CFAP58: variants seen among roughly 807,000 people sequenced by gnomAD.
CFAP58 encodes cilia- and flagella-associated protein 58.
In CFAP58, 88 loss-of-function variants were observed where a neutral mutation model predicts 119.5. The ratio of observed to expected loss-of-function variants is 0.74; its 90% CI spans 0.62 to 0.88. The LOEUF is 0.88. Among genes scored for constraint, CFAP58 ranks in the 40% least tolerant of loss-of-function variants. The pLI, the probability that CFAP58 is intolerant of heterozygous loss-of-function variation, is 0.00. For missense variants in CFAP58, 990 were observed against 1,021.2 expected (o/e 0.97, Z 0.42); for synonymous variants, 365 against 366.3 (o/e 1.00, Z 0.04).
At chr10:104,406,617 C>T in intron 14 of CFAP58, 72 bp from the exon 15 acceptor site, 1 of 1,172,974 alleles carries the variant, frequency 8.5e-7, no homozygotes, top group Non-Finnish European at 1.3e-6. Flanking sequence ...AGACAATGTG[C>T]ATTTTACATA....
intron 15 of CFAP58, among the ~76,000 whole-genome samples, chr10:104,442,502 C>T (rs1352179556): frequency 2.6e-5 from 4 of 151,254 alleles, no homozygotes; most frequent in African/African-American, 9.7e-5. Flanking sequence ...GCAGGATAAT[C>T]TCTTGAACCC....
intron 1 of CFAP58, among the ~76,000 whole-genome samples, chr10:104,357,898 TGTACACATATACAC>T (rs2014585705): frequency 2.6e-5 from 3 of 116,868 alleles, no homozygotes; most frequent in Non-Finnish European, 5.1e-5. Flanking sequence ...TAAACATATA[TGTACACATATACAC>T]ACATATATGT....
chr10:104,375,718 T>C (rs1037376766), intron 7 of CFAP58, among the ~76,000 whole-genome samples: 4 of 150,744 alleles, frequency 2.7e-5, no homozygotes, highest in African/African-American at 9.8e-5. Context: ...GAGACATCAA[T>C]CGAATACGTT....
At chr10:104,447,672 C>G (rs889552678) in intron 15 of CFAP58, 26 bp from the exon 16 acceptor site, 1 of 1,611,698 alleles carries the variant, frequency 6.2e-7, no homozygotes, top group Non-Finnish European at 8.5e-7. Flanking sequence ...CTGTTTATCT[C>G]TGCTCCTGGT....
chr10:104,361,377 A>G (rs1008419680), intron 2 of CFAP58, among the ~76,000 whole-genome samples: 5 of 152,216 alleles, frequency 3.3e-5, no homozygotes, highest in Non-Finnish European at 5.9e-5. Context: ...CAATTAGGTA[A>G]CAGTAAAGAA....
intron 6 of CFAP58, among the ~76,000 whole-genome samples, chr10:104,370,691 A>G (rs1436247266): frequency 6.6e-6 from 1 of 152,260 alleles, no homozygotes; most frequent in Non-Finnish European, 1.5e-5. Context: ...TTATAAAAAT[A>G]TAAAACATAA....
intron 9 of CFAP58, among the ~76,000 whole-genome samples, chr10:104,381,509 C>T (rs1448259793): frequency 6.6e-6 from 1 of 152,120 alleles, no homozygotes; most frequent in East Asian, 1.9e-4. Flanking sequence ...CACCTTTTCT[C>T]CCCCTAGCAA....
At chr10:104,340,639 A>G in the CFAP58 span, among the ~76,000 whole-genome samples, 2 of 152,344 alleles carry the variant, frequency 1.3e-5, no homozygotes, top group Admixed American at 1.3e-4. Flanking sequence ...CCTGCTTCGA[A>G]CAGTGAAAGG....
chr10:104,345,950 C>T, the CFAP58 span, among the ~76,000 whole-genome samples: 335 of 152,084 alleles, frequency 2.2e-3, no homozygotes, highest in Non-Finnish European at 4.3e-3. Context: ...GCTTGTATTG[C>T]TATAAAGGAA....
rs764813716 is a variant in CFAP58, at chr10:104,454,451, CCTT to C, written c.2544_2546del (p.Phe848del). 10 of 1,613,718 alleles carry C rather than the reference CCTT, an allele frequency of 6.2e-6. No homozygotes were observed. The highest frequency in any genetic ancestry group is 8.5e-6 in the Non-Finnish European group (10 of 1,179,782). On this transcript the variant is annotated inframe_deletion, in exon 18 of 18. Transcript: ENST00000369704. ...AAGGACACAGCACCCATGGATAACA[CCTT>C]CTTAATGGTCAAACCAAATGGTCCT...
In CFAP58 at chr10:104,396,369, TGAGAGAGAGAGAGAGAGA is replaced by T. The variant is rs57210958; in HGVS notation, c.1675-2938_1675-2921del. Among the ~76,000 whole-genome samples the T allele has an allele frequency of 4.6e-3, 397 of 86,790 alleles. 1 individual carries two copies. Among genetic ancestry groups the T allele is most frequent in the African/African-American group, 6.6e-3 (158 of 24,058 alleles). The allele number at this position is 86,790 out of a possible 152,430, so 56.9% of individuals were successfully genotyped here. On this transcript the variant is annotated intron_variant, in intron 11 of 17. Transcript: ENST00000369704. ...GCCATGGATAGGGAGCTGTTATCCA[TGAGAGAGAGAGAGAGAGA>T]GAGAGAGAGAGAGAGAGAGAGAGAG...
At position 104,436,210 on chromosome 10, in the gene CFAP58, T is replaced by C. The variant is rs141982342; in HGVS notation, c.2257-11488T>C. On this transcript the variant is annotated intron_variant, in intron 15 of 17. Transcript: ENST00000369704. ...CATATGTACATTTTAATCTCAATCTTTGAAATGTTCTGTTTTATATATGTT... is the reference window on the plus strand; with the variant it reads ...CATATGTACATTTTAATCTCAATCTCTGAAATGTTCTGTTTTATATATGTT... 8.5e-5 allele frequency among the ~76,000 whole-genome samples: 13 copies of C among 152,358 alleles called. No individual in the cohort carries two copies. The East Asian group carries it at 2.3e-3, about 27-fold the overall frequency.
At chr10:104,347,611 C>T in the CFAP58 span, among the ~76,000 whole-genome samples, 4 of 152,042 alleles carry the variant, frequency 2.6e-5, no homozygotes, top group Non-Finnish European at 5.9e-5. Flanking sequence ...TTTTAGATTC[C>T]ATAGACACTA....
chr10:104,348,559 G>A, the CFAP58 span, among the ~76,000 whole-genome samples: 1 of 152,112 alleles, frequency 6.6e-6, no homozygotes, highest in Non-Finnish European at 1.5e-5. Context: ...GAGTTTGGAG[G>A]CACTTCTCTT....
chr10:104,361,138 G>A (rs977139059), intron 2 of CFAP58, among the ~76,000 whole-genome samples: 4 of 152,180 alleles, frequency 2.6e-5, no homozygotes, highest in Admixed American at 2.6e-4. Flanking sequence ...TCCAAATTAT[G>A]TCATGTTGCA....
chr10:104,367,952 T>C (rs1406156420), intron 5 of CFAP58, among the ~76,000 whole-genome samples: 1 of 152,244 alleles, frequency 6.6e-6, no homozygotes, highest in Admixed American at 6.5e-5. Flanking sequence ...GAAAATTGTC[T>C]CTGTGTTGGT....
At chr10:104,421,691 T>G (rs892271483) in intron 15 of CFAP58, among the ~76,000 whole-genome samples, 1 of 152,194 alleles carries the variant, frequency 6.6e-6, no homozygotes, top group African/African-American at 2.4e-5. Flanking sequence ...GAGTCCAAGC[T>G]CACTCATATT....
At chr10:104,349,427 C>T (rs1312090353), upstream of CFAP58, among the ~76,000 whole-genome samples, 5 of 152,228 alleles carry the variant, frequency 3.3e-5, no homozygotes, top group African/African-American at 4.8e-5. Flanking sequence ...TCTGTGCACA[C>T]ATCACATACC....
chr10:104,343,556 C>G, the CFAP58 span, among the ~76,000 whole-genome samples: 2 of 151,940 alleles, frequency 1.3e-5, no homozygotes, highest in Non-Finnish European at 2.9e-5. Flanking sequence ...TATTTCACAA[C>G]CCAGTATACT....
Sources: gnomAD v4.1 joint callset for allele counts (sites outside exome capture counted in the v4.1 genomes callset) on GRCh38, gnomAD v4.1.1 for gene constraint, MANE v1.5 for transcripts, NCBI Gene and HGNC (gene_info 2026-07-23, HGNC 2026-07-21) for gene names.